The following ZMYM2 variants were observed in gnomAD, a reference collection of about 807,000 sequenced individuals.
ZMYM2 encodes the protein zinc finger MYM-type containing 2.
ZMYM2 carries 56 observed loss-of-function variants against 162.8 expected under a neutral mutation model. The observed-to-expected ratio is 0.34, with a 90% CI of 0.28 to 0.43. ZMYM2 has a LOEUF of 0.43. Ranked by LOEUF, ZMYM2 falls within the 20% of genes least tolerant of loss-of-function variation. The pLI is 1.00. For missense variants in ZMYM2, 1,275 were observed against 1,621.8 expected, an observed-to-expected ratio of 0.79 and a Z score of 3.67; for synonymous variants, 510 against 541.6, an observed-to-expected ratio of 0.94 and a Z score of 0.81.
chr13:19,952,027 T>C, the ZMYM2 span, among the ~76,000 whole-genome samples: 1 of 152,112 alleles, frequency 6.6e-6, no homozygotes, highest in Non-Finnish European at 1.5e-5. Flanking sequence ...AAATGTGGCA[T>C]ATATACACAA....
chr13:20,027,461 G>A, intron 9 of ZMYM2, 143 bp downstream of exon 9: 1 of 597,100 alleles, frequency 1.7e-6, no homozygotes, highest in Non-Finnish European at 2.7e-6. Flanking sequence ...CCTAGTCACA[G>A]AATATGTGGC....
At chr13:20,024,485 A>T (rs372490147) in intron 7 of ZMYM2, 1 of 219,046 alleles carries the variant, frequency 4.6e-6, no homozygotes, top group African/African-American at 2.2e-5. Flanking sequence ...GTGCTGATAC[A>T]TGGAGGCCTT....
the ZMYM2 span, among the ~76,000 whole-genome samples, chr13:19,904,452 G>T: frequency 1.3e-5 from 2 of 152,214 alleles, no homozygotes; most frequent in Non-Finnish European, 2.9e-5. Context: ...CAGCTACTTG[G>T]GGGGCTGAGG....
At chr13:19,920,028 C>G in the ZMYM2 span, among the ~76,000 whole-genome samples, 2 of 152,090 alleles carry the variant, frequency 1.3e-5, no homozygotes, top group Non-Finnish European at 2.9e-5. Flanking sequence ...AGTCTGGTCT[C>G]GAACTCCTGG....
In ZMYM2 at chr13:20,062,868, A is replaced by C; in HGVS notation, c.2934A>C (p.Ile978=). ...NINSVIIETD[I]IGSDLLKNSD... ...CAGGTGTAATTATTGAAACAGATATAATTGGTTCAGACCTTTTGAAGAACT... is the reference window on the plus strand; with the variant it reads ...CAGGTGTAATTATTGAAACAGATATCATTGGTTCAGACCTTTTGAAGAACT... Residue 978 remains isoleucine (I), a synonymous_variant, in exon 18 of 25, where the codon ATA becomes ATC. Coordinates refer to ENST00000610343, the MANE Select transcript of ZMYM2 (RefSeq NM_197968.4). 2 of 1,582,834 alleles carry C rather than the reference A, an allele frequency of 1.3e-6. No individual in the cohort carries two copies. Among genetic ancestry groups the C allele is most frequent in the Non-Finnish European group, 1.7e-6 (2 of 1,162,378 alleles).
At chr13:20,025,533 C>G (rs1338852709) in intron 7 of ZMYM2, 3 of 161,190 alleles carry the variant, frequency 1.9e-5, no homozygotes, top group African/African-American at 7.2e-5. Context: ...TTGCTTGAAC[C>G]CAGGCTGGTC....
chr13:19,894,104 C>A, the ZMYM2 span, among the ~76,000 whole-genome samples: 10 of 151,990 alleles, frequency 6.6e-5, no homozygotes, highest in Non-Finnish European at 1.2e-4. Context: ...GGATGGAACA[C>A]ACATACACAC....
chr13:20,075,670 C>CTTTTTTTTTTTTTTTTTTTTTTT (rs56664916), intron 21 of ZMYM2, among the ~76,000 whole-genome samples: 17 of 75,718 alleles, frequency 2.2e-4, no homozygotes, highest in African/African-American at 2.7e-4. Context: ...CTATAGACAC[C>CTTTTTTTTTTTTTTTTTTTTTTT]TTTTTTTTTT....
chr13:20,005,911 G>T (rs933107512), intron 5 of ZMYM2, among the ~76,000 whole-genome samples: 1 of 151,988 alleles, frequency 6.6e-6, no homozygotes, highest in Non-Finnish European at 1.5e-5. Context: ...ATGTGTTCCT[G>T]TGTGTATAAA....
At chr13:19,918,499 T>C in the ZMYM2 span, among the ~76,000 whole-genome samples, 2,234 of 127,498 alleles carry the variant, frequency 0.018, 19 homozygotes, top group Non-Finnish European at 0.028. Context: ...TTCTTTCTTT[T>C]TTTTTTTTTT....
rs1315503942 is a variant in ZMYM2, at chr13:19,993,571, G to A, written c.499G>A (p.Ala167Thr). 1 of 1,614,130 alleles carries A rather than the reference G, an allele frequency of 6.2e-7. No individual in the cohort carries two copies. Among genetic ancestry groups the A allele is most frequent in the African/African-American group, 1.3e-5 (1 of 75,066 alleles). The part of the protein sequence containing the change: ...TSSFSRSKVN[A>T]GMGNSGITTE... Reference sequence around the variant, plus strand: ...CAGTTTTTCAAGAAGTAAGGTAAATGCAGGAATGGGTAATAGTGGTATCAC... The same window carrying A: ...CAGTTTTTCAAGAAGTAAGGTAAATACAGGAATGGGTAATAGTGGTATCAC... The change falls in exon 3 of 25, where the codon GCA becomes ACA. Residue 167 changes from alanine (A) to threonine (T), a missense_variant. Transcript: ENST00000610343.
the ZMYM2 span, among the ~76,000 whole-genome samples, chr13:19,907,632 G>A: frequency 8.6e-5 from 13 of 151,668 alleles, no homozygotes; most frequent in Admixed American, 7.9e-4. Flanking sequence ...TGTGGTGGCA[G>A]GTGCCTGTAA....
At chr13:19,984,187 C>T (rs987890250) in intron 2 of ZMYM2, among the ~76,000 whole-genome samples, 2 of 152,148 alleles carry the variant, frequency 1.3e-5, no homozygotes, top group African/African-American at 4.8e-5. Flanking sequence ...TCAGCAAGCA[C>T]TAATATTTTC....
chr13:19,917,213 T>C, the ZMYM2 span, among the ~76,000 whole-genome samples: 44 of 152,022 alleles, frequency 2.9e-4, no homozygotes, highest in South Asian at 8.3e-4. Flanking sequence ...CCGCCCGCCT[T>C]GGCCTCCCAA....
the ZMYM2 span, among the ~76,000 whole-genome samples, chr13:19,953,550 G>A: frequency 6.6e-6 from 1 of 151,950 alleles, no homozygotes; most frequent in African/African-American, 2.4e-5. Flanking sequence ...TGGGCGTGGT[G>A]GCGCTTGCCT....
the ZMYM2 span, among the ~76,000 whole-genome samples, chr13:19,912,863 A>G: frequency 6.6e-6 from 1 of 152,166 alleles, no homozygotes; most frequent in Non-Finnish European, 1.5e-5. Context: ...TATCTCTTCT[A>G]AGGTGAAGGA....
the ZMYM2 span, among the ~76,000 whole-genome samples, chr13:19,869,344 A>G: frequency 6.6e-6 from 1 of 152,208 alleles, no homozygotes; most frequent in Non-Finnish European, 1.5e-5. Flanking sequence ...CTATAAGTAT[A>G]TGAAATATTA....
intron 11 of ZMYM2, among the ~76,000 whole-genome samples, chr13:20,035,232 A>G (rs974673592): frequency 6.6e-6 from 1 of 152,232 alleles, no homozygotes; most frequent in African/African-American, 2.4e-5. Context: ...CCTAAATGTC[A>G]GCAGTAGAGA....
intron 3 of ZMYM2, among the ~76,000 whole-genome samples, chr13:19,997,791 T>C (rs1950126279): frequency 6.6e-6 from 1 of 152,216 alleles, no homozygotes; most frequent in Non-Finnish European, 1.5e-5. Context: ...GATCATAGCA[T>C]AGGTACAGTT....
Sources: allele counts gnomAD v4.1 joint callset (sites outside exome capture counted in the v4.1 genomes callset), GRCh38; gene constraint gnomAD v4.1.1; transcripts MANE v1.5; gene names NCBI Gene and HGNC (gene_info 2026-07-23, HGNC 2026-07-21).